Variants in PALLD observed in about 807,000 individuals in gnomAD.
PALLD encodes palladin.
PALLD carries 61 observed loss-of-function variants against 123.5 expected under a neutral mutation model. That is an observed-to-expected ratio of 0.49 (90% CI 0.40 to 0.61). PALLD has a LOEUF of 0.61. Among genes scored for constraint, PALLD ranks in the 20% least tolerant of loss-of-function variants. PALLD has a pLI of 0.00. For synonymous variants in PALLD, 465 were observed against 496.4 expected (o/e 0.94, Z 0.84); for missense variants, 1,273 against 1,377.0 (o/e 0.92, Z 1.20).
intron 10 of PALLD, among the ~76,000 whole-genome samples, chr4:168,845,307 C>T (rs1486072546): frequency 1.3e-5 from 2 of 152,068 alleles, no homozygotes; most frequent in African/African-American, 2.4e-5. Context: ...ATTTTAGGAC[C>T]CTTACTAACA....
chr4:168,517,320 G>A (rs532228566), intron 2 of PALLD, among the ~76,000 whole-genome samples: 3 of 152,142 alleles, frequency 2.0e-5, no homozygotes, highest in South Asian at 2.1e-4. Context: ...TAGTAAAAGT[G>A]GAATCCAGTA....
intron 14 of PALLD, 70 bp downstream of exon 14, chr4:168,898,784 T>C (rs1250781094): frequency 1.1e-6 from 1 of 938,568 alleles, no homozygotes; most frequent in Non-Finnish European, 1.8e-6. Flanking sequence ...AAACATAGCA[T>C]GCCAGTAGGA....
chr4:168,589,410 G>C (rs553709703), intron 2 of PALLD, among the ~76,000 whole-genome samples: 19 of 152,238 alleles, frequency 1.2e-4, no homozygotes, highest in Admixed American at 4.6e-4. Context: ...TCAGAATTCT[G>C]AGTCATCTTT....
Position 168,859,418 on chromosome 4 carries a change from G to A in PALLD, c.1965-31504G>A, listed in dbSNP as rs535452550. On this transcript the variant is annotated intron_variant, in intron 10 of 21. Coordinates refer to ENST00000505667, the MANE Select transcript of PALLD (RefSeq NM_001166108.2). ...GATGGAGGGCTCTCATCTGTCAATG[G>A]GTAGCACCGACGGTGCCCCAGACAT... Among the ~76,000 whole-genome samples the A allele has an allele frequency of 9.9e-5, 15 of 152,280 alleles. No individual in the cohort carries two copies. In the South Asian group the frequency reaches 2.9e-3, roughly 29 times the overall value.
intron 2 of PALLD, among the ~76,000 whole-genome samples, chr4:168,607,373 C>T (rs73863994): frequency 0.011 from 1,626 of 152,108 alleles, 27 homozygotes; most frequent in African/African-American, 0.036. Flanking sequence ...ACACAGTGAC[C>T]GGAGGTGTAA....
intron 2 of PALLD, among the ~76,000 whole-genome samples, chr4:168,534,533 T>C (rs184211962): frequency 6.6e-6 from 1 of 152,358 alleles, no homozygotes; most frequent in East Asian, 1.9e-4. Context: ...ATTGATACTT[T>C]TCTAATATGC....
At chr4:168,575,586 T>G (rs781325740) in intron 2 of PALLD, among the ~76,000 whole-genome samples, 19 of 152,156 alleles carry the variant, frequency 1.2e-4, no homozygotes, top group Middle Eastern at 6.8e-3. Flanking sequence ...TGGTGAGGTC[T>G]GACTTGGGGA....
At chr4:168,680,650 A>G (rs541000243) in intron 3 of PALLD, among the ~76,000 whole-genome samples, 2 of 152,278 alleles carry the variant, frequency 1.3e-5, no homozygotes, top group East Asian at 3.9e-4. Flanking sequence ...ATTATTATAT[A>G]AAAGAATATA....
intron 2 of PALLD, among the ~76,000 whole-genome samples, chr4:168,604,594 T>A (rs1772986027): frequency 1.3e-5 from 2 of 152,248 alleles, no homozygotes; most frequent in South Asian, 4.1e-4. Flanking sequence ...CATATGTCTA[T>A]AAAGCTTAAG....
At chr4:168,733,396 CAAG>C (rs1787370865) in intron 10 of PALLD, among the ~76,000 whole-genome samples, 1 of 152,132 alleles carries the variant, frequency 6.6e-6, no homozygotes, top group African/African-American at 2.4e-5. Flanking sequence ...TTTAAGTAGA[CAAG>C]TTCTAAATCT....
At chr4:168,505,681 C>A (rs1355031062) in intron 1 of PALLD, among the ~76,000 whole-genome samples, 1 of 152,198 alleles carries the variant, frequency 6.6e-6, no homozygotes. Context: ...CCTTTCTAAA[C>A]CAGAGGCTGC....
In PALLD at chr4:168,852,257, A is replaced by T. The variant is rs144249401; in HGVS notation, c.1965-38665A>T. ...GCACCCTGCCTTCATGCAGTTAAAC[A>T]TTCTTCTGTTTTAGGCCACACTGTA... is the stretch of plus-strand genomic sequence containing the variant. On this transcript the variant is annotated intron_variant, in intron 10 of 21. Transcript: ENST00000505667. 6.7e-3 allele frequency among the ~76,000 whole-genome samples: 1,017 copies of T among 152,262 alleles called. 7 individuals are homozygous for T. The highest frequency in any genetic ancestry group is 0.022 in the African/African-American group (928 of 41,550).
intron 2 of PALLD, among the ~76,000 whole-genome samples, chr4:168,642,836 G>T (rs1226984474): frequency 6.6e-6 from 1 of 152,214 alleles, no homozygotes; most frequent in African/African-American, 2.4e-5. Context: ...TGCTTTTCCT[G>T]TACATTCGTC....
intron 10 of PALLD, among the ~76,000 whole-genome samples, chr4:168,758,946 G>A (rs764782336): frequency 6.6e-5 from 10 of 151,264 alleles, no homozygotes; most frequent in East Asian, 2.0e-4. Context: ...AGGCCAAGGC[G>A]GATGGATCAC....
chr4:168,648,992 A>G (rs1211198902), intron 2 of PALLD: 1 of 152,226 alleles, frequency 6.6e-6, no homozygotes, highest in Non-Finnish European at 1.5e-5. Context: ...TCCAACCCAA[A>G]GACTGCTTAA....
In PALLD at chr4:168,782,993, C is replaced by G. The variant is rs116877974; in HGVS notation, c.1964+71070C>G. Among the ~76,000 whole-genome samples the G allele has an allele frequency of 5.5e-3, 838 of 151,350 alleles. 11 individuals are homozygous for G. The highest frequency in any genetic ancestry group is 0.032 in the East Asian group (163 of 5,122). On this transcript the variant is annotated intron_variant, in intron 10 of 21. Coordinates refer to ENST00000505667, the MANE Select transcript of PALLD (RefSeq NM_001166108.2). ...GATTTGGACTATGGACCATAGTTTG[C>G]CAACCCCTAGTCTAAAGAAAACAGC... is the stretch of plus-strand genomic sequence containing the variant.
At position 168,511,617 on chromosome 4, in the gene PALLD, A is replaced by G. The variant is rs1352395363; in HGVS notation, c.113A>G (p.Glu38Gly). The change falls in exon 2 of 22, where the codon GAG becomes GGG. Residue 38 changes from glutamate to glycine, a missense_variant. By Grantham distance (98) the Glu-to-Gly change is moderately conservative (BLOSUM62 -2). Around this residue, in one of 2 missense-constraint regions of PALLD, gnomAD observed 944 missense variants for 954.5 expected, o/e 0.99. Coordinates refer to ENST00000505667, the MANE Select transcript of PALLD (RefSeq NM_001166108.2). ...CTTTCTGCTTTCCTCAGCCAGGAAG[A>G]GATAAACAAGAGTCTTGACCTGGCC... is the stretch of plus-strand genomic sequence containing the variant. Reference protein sequence around the residue: ...PGLSAFLSQEEINKSLDLARR... With the variant: ...PGLSAFLSQEGINKSLDLARR... 6.2e-7 allele frequency: 1 copy of G among 1,614,148 alleles called. No homozygotes were observed. Among genetic ancestry groups the G allele is most frequent in the East Asian group, 2.2e-5 (1 of 44,868 alleles).
At chr4:168,811,774 T>TCACACACA (rs879411684) in intron 10 of PALLD, among the ~76,000 whole-genome samples, 101 of 109,500 alleles carry the variant, frequency 9.2e-4, no homozygotes, top group East Asian at 3.5e-3. Context: ...TCTCTCTCTC[T>TCACACACA]CTCACACACA....
chr4:168,676,899 A>G (rs1726197739), intron 3 of PALLD, among the ~76,000 whole-genome samples: 1 of 152,104 alleles, frequency 6.6e-6, no homozygotes, highest in African/African-American at 2.4e-5. Flanking sequence ...TAAAATGAAA[A>G]GGGAGCACCT....
Sources: gnomAD v4.1 joint callset for allele counts (sites outside exome capture counted in the v4.1 genomes callset) on GRCh38, gnomAD v4.1.1 for gene constraint, gnomAD v4.1.1 regional missense constraint, MANE v1.5 for transcripts, NCBI Gene and HGNC (gene_info 2026-07-23, HGNC 2026-07-21) for gene names.